Variants in PIGG observed in about 807,000 individuals in gnomAD.
PIGG encodes GPI ethanolamine phosphate transferase 2, catalytic subunit.
PIGG carries 70 observed loss-of-function variants against 83.2 expected under a neutral mutation model. That is an observed-to-expected ratio of 0.84 (90% CI 0.69 to 1.03). PIGG has a LOEUF of 1.03. Among genes scored for constraint, PIGG ranks in the 50% least tolerant of loss-of-function variants. PIGG has a pLI of 0.00. For missense variants in PIGG, 1,257 were observed against 1,233.6 expected, an observed-to-expected ratio of 1.02 and a Z score of -0.28; for synonymous variants, 532 against 519.5, an observed-to-expected ratio of 1.02 and a Z score of -0.33.
At position 530,500 on chromosome 4, in the gene PIGG, G is replaced by C; in HGVS notation, c.2326G>C (p.Asp776His). Residue 776 changes from aspartate (D) to histidine (H), a missense_variant, in exon 11 of 13, where the codon GAC (aspartate) becomes CAC (histidine). Coordinates refer to ENST00000453061, the MANE Select transcript of PIGG (RefSeq NM_001127178.3). ...VLGILFTGTK[D>H]LLKSQVIAAD... is the part of the protein sequence containing the mutation. ...TGGCATTCTGTTCACGGGCACCAAA[G>C]ACTTACTTAAATCTCAAGTCATTGC... The C allele has an allele frequency of 6.2e-7, 1 of 1,613,804 alleles. No individual in the cohort carries two copies. Among genetic ancestry groups the C allele is most frequent in the Non-Finnish European group, 8.5e-7 (1 of 1,179,688 alleles).
intron 12 of PIGG, among the ~76,000 whole-genome samples, chr4:538,192 T>G (rs1488047536): frequency 1.3e-5 from 2 of 150,910 alleles, no homozygotes; most frequent in African/African-American, 4.9e-5. Context: ...CTAACAGAAC[T>G]TGATCAGAGG....
Position 507,414 on chromosome 4 carries a change from A to C in PIGG, c.580A>C (p.Asn194His). ...TGTTTCCCCTTCAAAGGTGGATAAT[A>C]ATGTCACGAGGCATTTGGATAAAGT... is the stretch of plus-strand genomic sequence containing the variant. ...FVSDYTEVDN[N>H]VTRHLDKVLK... The change falls in exon 4 of 13, where the codon AAT (asparagine) becomes CAT (histidine). Residue 194 changes from asparagine (N) to histidine (H), a missense_variant. By Grantham distance (68) the Asn-to-His change is moderately conservative. Transcript: ENST00000453061. 1 of 1,610,214 alleles carries C rather than the reference A, an allele frequency of 6.2e-7. No homozygotes were observed. Among genetic ancestry groups the C allele is most frequent in the Non-Finnish European group, 8.5e-7 (1 of 1,177,226 alleles).
At chr4:519,740 C>T (rs371283507) in intron 6 of PIGG, among the ~76,000 whole-genome samples, 5 of 136,572 alleles carry the variant, frequency 3.7e-5, no homozygotes, top group South Asian at 5.1e-4. Context: ...TTGGTGCCTG[C>T]AGCAGTGGGG....
At chr4:499,712 C>A in intron 1 of PIGG, 1 of 1,394,580 alleles carries the variant, frequency 7.2e-7, no homozygotes, top group South Asian at 1.7e-5. Flanking sequence ...ACCTTCCTTC[C>A]TGATCACCAC....
chr4:534,414 C>CAGGACCCTGGAGA (rs148846563), intron 12 of PIGG, among the ~76,000 whole-genome samples: 3,453 of 152,322 alleles, frequency 0.023, 151 homozygotes, highest in African/African-American at 0.079. Flanking sequence ...CTGGAGCGCG[C>CAGGACCCTGGAGA]AGGACCCTGG....
rs782638280 is a variant in PIGG, at chr4:507,520, G to A, written c.686G>A (p.Ser229Asn). 7 of 1,614,010 alleles carry A rather than the reference G, an allele frequency of 4.3e-6. No homozygotes were observed. In the African/African-American group the frequency reaches 9.3e-5, roughly 22 times the overall value. Residue 229 changes from serine to asparagine, a missense_variant, in exon 4 of 13, where the codon AGC becomes AAC. Physicochemically the swap from Ser to Asn is conservative, Grantham distance 46 (BLOSUM62 1). Coordinates refer to ENST00000453061, the MANE Select transcript of PIGG (RefSeq NM_001127178.3). The part of the protein sequence containing the change: ...DHIGHISGPN[S>N]PLIGQKLSEM... Reference sequence around the variant, plus strand: ...ATTGGCCACATTTCAGGGCCCAACAGCCCCCTGATTGGGCAGAAGCTGAGC... The same window carrying A: ...ATTGGCCACATTTCAGGGCCCAACAACCCCCTGATTGGGCAGAAGCTGAGC...
In PIGG at chr4:539,311, C is replaced by T. The variant is rs375887303; in HGVS notation, c.2894C>T (p.Thr965Ile). The T allele has an allele frequency of 6.2e-7, 1 of 1,613,730 alleles. No homozygotes were observed. Reference protein sequence around the residue: ...LLYEGMHLLITAAVCVFFTAM... With the variant: ...LLYEGMHLLIIAAVCVFFTAM... ...TACGAGGGAATGCACCTGCTCATTA[C>T]AGCTGCTGTCTGTGTATTCTTCACG... Residue 965 changes from threonine (T) to isoleucine (I), a missense_variant, in exon 13 of 13, where the codon ACA becomes ATA. Thr to Ile is a moderately conservative substitution (Grantham distance 89). Transcript: ENST00000453061.
At chr4:517,522 CCATG>C (rs1390526112) in intron 6 of PIGG, among the ~76,000 whole-genome samples, 2 of 152,048 alleles carry the variant, frequency 1.3e-5, no homozygotes. Flanking sequence ...GTCCAGGAAG[CCATG>C]TAAAGAAGTA....
intron 5 of PIGG, among the ~76,000 whole-genome samples, chr4:512,216 CTTTT>C (rs781786642): frequency 8.8e-6 from 1 of 114,282 alleles, no homozygotes. Context: ...AGTTATCATA[CTTTT>C]TTTTTTTTTT....
Position 507,580 on chromosome 4 carries a change from C to A in PIGG, c.746C>A (p.Ser249Ter). ...MDSVLMKIHTSLQSKERETPL... is the reference protein window; with the variant it reads ...MDSVLMKIHT ...AGCGTGCTGATGAAGATCCACACCT[C>A]ACTGCAGTCGAAGGTGAGGCTCGCC... Residue 249 changes from serine (S) to a stop codon, truncating the protein, a stop_gained, in exon 4 of 13, where the codon TCA (serine) becomes TAA (stop). Transcript: ENST00000453061. LOFTEE classifies it high-confidence loss of function. 6.2e-7 allele frequency: 1 copy of A among 1,612,092 alleles called. No homozygotes were observed. Among genetic ancestry groups the A allele is most frequent in the South Asian group, 1.1e-5 (1 of 90,884 alleles).
chr4:509,572 C>G (rs782414700), intron 5 of PIGG, among the ~76,000 whole-genome samples: 11 of 152,354 alleles, frequency 7.2e-5, no homozygotes, highest in Non-Finnish European at 1.5e-4. Flanking sequence ...TTGGTGAGCT[C>G]AGCGGTAATT....
At chr4:525,666 G>C (rs1291719917) in intron 9 of PIGG, 1 of 152,300 alleles carries the variant, frequency 6.6e-6, no homozygotes, top group African/African-American at 2.4e-5. Context: ...CGAAATTACA[G>C]ATTCTTCTGA....
rs530271850 is a variant in PIGG, at chr4:512,644, G to A, written c.902-3329G>A. Among the ~76,000 whole-genome samples, 31 of 151,810 alleles carry A rather than the reference G, an allele frequency of 2.0e-4. No individual in the cohort carries two copies. The East Asian group carries it at 4.4e-3, about 21-fold the overall frequency. On this transcript the variant is annotated intron_variant, in intron 5 of 12. Transcript: ENST00000453061. ...AGCCTGACCAACACGGTGAAACCCCGTCTCTACTAAAAGTACAAAAATTAG... is the reference window on the plus strand; with the variant it reads ...AGCCTGACCAACACGGTGAAACCCCATCTCTACTAAAAGTACAAAAATTAG...
At position 499,267 on chromosome 4, in the gene PIGG, G is replaced by T; in HGVS notation, c.-69G>T. Reference sequence around the variant, plus strand: ...TGCTTAGAGGCGGCTACCTGGAGCCGGAAGCGCGGCTGCAGCAGGGCGAGG... The same window carrying T: ...TGCTTAGAGGCGGCTACCTGGAGCCTGAAGCGCGGCTGCAGCAGGGCGAGG... On this transcript the variant is annotated 5_prime_UTR_variant, in exon 1 of 13. Transcript: ENST00000453061. The T allele has an allele frequency of 6.5e-7, 1 of 1,544,174 alleles. No homozygotes were observed. The highest frequency in any genetic ancestry group is 1.1e-5 in the South Asian group (1 of 87,440).
intron 1 of PIGG, 170 bp downstream of exon 1, chr4:499,659 T>A (rs1716831658): frequency 7.1e-7 from 1 of 1,414,860 alleles, no homozygotes; most frequent in South Asian, 1.6e-5. Context: ...CTTTTCTGTA[T>A]TCTTACAACT....
At chr4:533,758 A>G (rs957580812) in intron 11 of PIGG, 60 bp from the exon 12 acceptor site, 1 of 1,516,708 alleles carries the variant, frequency 6.6e-7, no homozygotes, top group East Asian at 2.3e-5. Context: ...TCACGCTAAC[A>G]TCGTGGCTGT....
intron 6 of PIGG, among the ~76,000 whole-genome samples, chr4:520,141 G>A (rs759960498): frequency 2.0e-5 from 3 of 152,244 alleles, no homozygotes; most frequent in Non-Finnish European, 4.4e-5. Context: ...AGCAGGCCTG[G>A]GGCATGCAGA....
At chr4:535,935 G>T (rs1016280491) in intron 12 of PIGG, among the ~76,000 whole-genome samples, 2 of 152,154 alleles carry the variant, frequency 1.3e-5, no homozygotes, top group African/African-American at 4.8e-5. Flanking sequence ...TCGACATTCC[G>T]CAGAGGTGTC....
At chr4:523,951 T>A in intron 9 of PIGG, 38 bp downstream of exon 9, 1 of 1,321,486 alleles carries the variant, frequency 7.6e-7, no homozygotes, top group Non-Finnish European at 1.0e-6. Flanking sequence ...CCAGACTTTC[T>A]ACGGCCGATT....
Sources: allele counts gnomAD v4.1 joint callset (sites outside exome capture counted in the v4.1 genomes callset), GRCh38; gene constraint gnomAD v4.1.1; transcripts MANE v1.5; gene names NCBI Gene and HGNC (gene_info 2026-07-23, HGNC 2026-07-21).